Variants in DNAJC15 observed in about 807,000 individuals in gnomAD.
The protein encoded by DNAJC15 is DnaJ heat shock protein family (Hsp40) member C15, also known as dnaJ homolog subfamily C member 15.
A neutral mutation model predicts 22.4 loss-of-function variants in DNAJC15; 27 were observed. That is an observed-to-expected ratio of 1.20 (90% CI 0.89 to 1.66). DNAJC15 has a LOEUF of 1.66. Among genes scored for constraint, DNAJC15 ranks in the 40% most tolerant of loss-of-function variants. The pLI is 0.00. For synonymous variants in DNAJC15, 79 were observed against 63.2 expected (o/e 1.25, Z -1.19); for missense variants, 208 against 187.1 (o/e 1.11, Z -0.65).
At position 43,100,108 on chromosome 13, in the gene DNAJC15, G is replaced by A. The variant is rs554279965; in HGVS notation, c.383-7070G>A. On this transcript the variant is annotated intron_variant, in intron 5 of 5. Coordinates refer to ENST00000379221, the MANE Select transcript of DNAJC15 (RefSeq NM_013238.3). Reference sequence around the variant, plus strand: ...AGTATCAGTAGTTTGTATCTTTTAGGAGCTTGTCCATTTTCTCTAAATTAT... The same window carrying A: ...AGTATCAGTAGTTTGTATCTTTTAGAAGCTTGTCCATTTTCTCTAAATTAT... Among the ~76,000 whole-genome samples, 9 of 151,940 alleles carry A rather than the reference G, an allele frequency of 5.9e-5. No individual in the cohort carries two copies. The East Asian group carries it at 9.6e-4, about 16-fold the overall frequency.
chr13:43,033,265 A>G (rs1480136042), intron 1 of DNAJC15, among the ~76,000 whole-genome samples: 1 of 152,170 alleles, frequency 6.6e-6, no homozygotes, highest in African/African-American at 2.4e-5. Flanking sequence ...AAAACTTAAA[A>G]AATTAGTCAC....
intron 1 of DNAJC15, among the ~76,000 whole-genome samples, chr13:43,026,956 A>G (rs1207905230): frequency 6.6e-6 from 1 of 152,248 alleles, no homozygotes; most frequent in East Asian, 1.9e-4. Context: ...TTTTGAAACT[A>G]AGAACTAATG....
At position 43,023,645 on chromosome 13, in the gene DNAJC15, A is replaced by C; in HGVS notation, c.19A>C (p.Ile7Leu). Residue 7 changes from isoleucine to leucine, a missense_variant, in exon 1 of 6, where the codon ATC (isoleucine) becomes CTC (leucine). Ile to Leu is a conservative substitution (Grantham distance 5). Coordinates refer to ENST00000379221, the MANE Select transcript of DNAJC15 (RefSeq NM_013238.3). ...CCTTGCCATGGCTGCCCGTGGTGTCATCGCTCCAGTTGGCGAGAGTTTGCG... is the reference window on the plus strand; with the variant it reads ...CCTTGCCATGGCTGCCCGTGGTGTCCTCGCTCCAGTTGGCGAGAGTTTGCG... MAARGV[I>L]APVGESLRYA... The C allele has an allele frequency of 6.2e-7, 1 of 1,612,014 alleles. No homozygotes were observed. The highest frequency in any genetic ancestry group is 8.5e-7 in the Non-Finnish European group (1 of 1,179,226).
intron 5 of DNAJC15, among the ~76,000 whole-genome samples, chr13:43,099,811 T>TTA (rs2040758607): frequency 6.6e-6 from 1 of 152,110 alleles, no homozygotes; most frequent in South Asian, 2.1e-4. Flanking sequence ...TATATTCTTT[T>TTA]TATATGTTGC....
At chr13:43,043,954 T>G (rs917876389) in intron 1 of DNAJC15, among the ~76,000 whole-genome samples, 1 of 152,218 alleles carries the variant, frequency 6.6e-6, no homozygotes, top group Non-Finnish European at 1.5e-5. Flanking sequence ...AAATTTATAT[T>G]GGCTTGAAGA....
chr13:43,087,478 A>G (rs1275852421), intron 5 of DNAJC15, among the ~76,000 whole-genome samples: 1 of 152,236 alleles, frequency 6.6e-6, no homozygotes, highest in African/African-American at 2.4e-5. Flanking sequence ...ATTTTAAACA[A>G]AAATGCCTCA....
At chr13:43,045,895 T>C (rs1233295759) in intron 1 of DNAJC15, among the ~76,000 whole-genome samples, 1 of 151,754 alleles carries the variant, frequency 6.6e-6, no homozygotes, top group East Asian at 1.9e-4. Context: ...TTGTTTGTTG[T>C]CTGTCTCTCT....
chr13:43,063,590 GCCA>G (rs2040569622), intron 1 of DNAJC15, among the ~76,000 whole-genome samples: 4 of 152,236 alleles, frequency 2.6e-5, no homozygotes, highest in African/African-American at 9.6e-5. Flanking sequence ...ATATGTTTTA[GCCA>G]TTTAATTTTG....
intron 5 of DNAJC15, among the ~76,000 whole-genome samples, chr13:43,087,231 T>C (rs539023445): frequency 4.4e-4 from 67 of 152,350 alleles, no homozygotes; most frequent in African/African-American, 1.4e-3. Context: ...GTGGACTTTT[T>C]TTCCATATAA....
At chr13:43,068,661 A>G (rs999134518) in intron 2 of DNAJC15, among the ~76,000 whole-genome samples, 1 of 152,096 alleles carries the variant, frequency 6.6e-6, no homozygotes, top group Non-Finnish European at 1.5e-5. Context: ...AATGTAAGAT[A>G]TTACACATAA....
chr13:43,107,079 G>T (rs1320014590), intron 5 of DNAJC15, 99 bp from the exon 6 acceptor site: 3 of 927,264 alleles, frequency 3.2e-6, no homozygotes, highest in Admixed American at 7.6e-5. Context: ...GGATTAATGT[G>T]TGAGACAATA....
rs951545030 is a variant in DNAJC15, at chr13:43,113,081, T to C, written c.*5833T>C. The C allele has an allele frequency of 6.6e-5, 10 of 152,340 alleles. No individual in the cohort carries two copies. The highest frequency in any genetic ancestry group is 2.4e-4 in the African/African-American group (10 of 41,570). The allele number at this position is 152,340 out of a possible 1,614,324, so 9.4% of individuals were successfully genotyped here. A position where few individuals can be genotyped will look rare whatever the true frequency, so the allele number is the denominator to read the frequency against. On this transcript the variant is annotated 3_prime_UTR_variant, in exon 6 of 6. Coordinates refer to ENST00000379221, the MANE Select transcript of DNAJC15 (RefSeq NM_013238.3). ...AGAGTGATGACGGAGGAAGCTTTGA[T>C]AAGATTTTATCTGAAATGTTCATGG...
intron 1 of DNAJC15, among the ~76,000 whole-genome samples, chr13:43,057,255 T>C (rs112184115): frequency 2.0e-5 from 3 of 152,336 alleles, no homozygotes; most frequent in African/African-American, 7.2e-5. Flanking sequence ...TCTTAGGTTA[T>C]GTCATTTAAC....
At chr13:43,080,610 C>T (rs921923272) in intron 4 of DNAJC15, among the ~76,000 whole-genome samples, 6 of 152,200 alleles carry the variant, frequency 3.9e-5, no homozygotes, top group Non-Finnish European at 7.3e-5. Flanking sequence ...TTAGGCGCTG[C>T]CCTGTATGAT....
chr13:43,043,260 A>G (rs879837478), intron 1 of DNAJC15, among the ~76,000 whole-genome samples: 2 of 152,048 alleles, frequency 1.3e-5, no homozygotes, highest in Admixed American at 6.6e-5. Context: ...GGCGTGTGCC[A>G]CCACTCCCAG....
At chr13:43,071,721 C>CT (rs892796095) in intron 3 of DNAJC15, among the ~76,000 whole-genome samples, 1 of 152,134 alleles carries the variant, frequency 6.6e-6, no homozygotes, top group Non-Finnish European at 1.5e-5. Context: ...CACTAAATCT[C>CT]TGTCATTCAA....
chr13:43,082,704 GTAAT>G (rs756363588), intron 4 of DNAJC15, among the ~76,000 whole-genome samples: 30 of 152,092 alleles, frequency 2.0e-4, no homozygotes, highest in Non-Finnish European at 4.3e-4. Flanking sequence ...TCAGAGCATT[GTAAT>G]TAATTATCAA....
At chr13:43,102,722 C>A (rs1401898053) in intron 5 of DNAJC15, among the ~76,000 whole-genome samples, 1 of 152,098 alleles carries the variant, frequency 6.6e-6, no homozygotes, top group African/African-American at 2.4e-5. Flanking sequence ...CTAACTTGGT[C>A]ATCATATCTA....
chr13:43,078,796 G>T (rs538235670), intron 4 of DNAJC15, 108 bp downstream of exon 4: 16 of 849,394 alleles, frequency 1.9e-5, no homozygotes, highest in African/African-American at 1.4e-4. Context: ...TGAGTAGGTG[G>T]CAGAGGAGAA....
Sources: gnomAD v4.1 joint callset for allele counts (sites outside exome capture counted in the v4.1 genomes callset) on GRCh38, gnomAD v4.1.1 for gene constraint, MANE v1.5 for transcripts, NCBI Gene and HGNC (gene_info 2026-07-23, HGNC 2026-07-21) for gene names.